PCDHA2: variants seen among roughly 807,000 people sequenced by gnomAD.
PCDHA2 encodes protocadherin alpha 2, also known as protocadherin alpha-2.
PCDHA2 carries 58 observed loss-of-function variants against 66.0 expected under a neutral mutation model. That is an observed-to-expected ratio of 0.88 (90% CI 0.71 to 1.09). The LOEUF is 1.09. PCDHA2 is among the 50% of genes least tolerant of loss of function. PCDHA2 has a pLI of 0.00. For synonymous variants in PCDHA2, 634 were observed against 554.0 expected, an observed-to-expected ratio of 1.14 and a Z score of -2.03; for missense variants, 1,267 against 1,242.3, an observed-to-expected ratio of 1.02 and a Z score of -0.30.
chr5:140,796,905 A>G lies in PCDHA2; in HGVS notation c.1941A>G (p.Leu647=). The G allele has an allele frequency of 1.9e-6, 3 of 1,613,752 alleles. No homozygotes were observed. The highest frequency in any genetic ancestry group is 2.5e-6 in the Non-Finnish European group (3 of 1,179,942). Residue 647 remains leucine, a synonymous_variant, in exon 1 of 4, where the codon CTA becomes CTG. Coordinates refer to ENST00000526136, the MANE Select transcript of PCDHA2 (RefSeq NM_018905.3). The stretch of plus-strand genomic sequence containing the variant: ...AGGCTGACTCCCCTCGACACCGCCT[A>G]CTCGTGCTGGTGAAGGACCACGGCG... ...LDEADSPRHR[L]LVLVKDHGEP...
chr5:140,828,025 G>T, intron 1 of PCDHA2: 1 of 1,517,256 alleles, frequency 6.6e-7, no homozygotes, highest in Non-Finnish European at 8.8e-7. Context: ...AATAAATTCC[G>T]GAACATACAG....
At position 140,857,447 on chromosome 5, in the gene PCDHA2, A is replaced by G; in HGVS notation, c.2388+60095A>G. On this transcript the variant is annotated intron_variant, in intron 1 of 3. Transcript: ENST00000526136. ...GTACACGGTGTTCGTGAAGGAGAACAACCCGCCAGGCTGCCACATCTTCAC... is the reference window on the plus strand; with the variant it reads ...GTACACGGTGTTCGTGAAGGAGAACGACCCGCCAGGCTGCCACATCTTCAC... 2 of 1,598,502 alleles carry G rather than the reference A, an allele frequency of 1.3e-6. 1 individual carries two copies. The highest frequency in any genetic ancestry group is 1.7e-6 in the Non-Finnish European group (2 of 1,167,850).
rs781970996 is a variant in PCDHA2 at position 140,869,968 on chromosome 5, A to AT, written c.2388+72616_2388+72617insT. 5 of 1,613,220 alleles carry AT rather than the reference A, an allele frequency of 3.1e-6. No homozygotes were observed. The South Asian group carries it at 5.5e-5, about 18-fold the overall frequency. On this transcript the variant is annotated intron_variant, in intron 1 of 3. Coordinates refer to ENST00000526136, the MANE Select transcript of PCDHA2 (RefSeq NM_018905.3). ...CTTAATGTCAATTAAGCCCAATGGA[A>AT]GACACTTATTTACACTAGATCAAAA...
intron 1 of PCDHA2, chr5:140,816,337 C>T (rs1459118392): frequency 6.6e-6 from 1 of 152,084 alleles, no homozygotes; most frequent in Non-Finnish European, 1.5e-5. Context: ...TTCTTCAGTT[C>T]CAAAATTTCT....
At chr5:140,968,431 G>A in intron 1 of PCDHA2, 1 of 1,613,980 alleles carries the variant, frequency 6.2e-7, no homozygotes, top group Non-Finnish European at 8.5e-7. Context: ...AGGACAAGGG[G>A]AGCCCACCAC....
At chr5:140,857,858 G>A in intron 1 of PCDHA2, 3 of 1,597,854 alleles carry the variant, frequency 1.9e-6, no homozygotes, top group Non-Finnish European at 2.6e-6. Context: ...TGGATACAAC[G>A]CGTGGCTGTC....
rs2150098018 is a variant in PCDHA2, at chr5:140,817,392, G to A, written c.2388+20040G>A. 3 of 152,162 alleles carry A rather than the reference G, an allele frequency of 2.0e-5. No homozygotes were observed. In the East Asian group the frequency reaches 5.8e-4, roughly 29 times the overall value. 9.4% of individuals were successfully genotyped at this position (152,162 alleles called of 1,614,324 possible). On this transcript the variant is annotated intron_variant, in intron 1 of 3. Coordinates refer to ENST00000526136, the MANE Select transcript of PCDHA2 (RefSeq NM_018905.3). The stretch of plus-strand genomic sequence containing the variant: ...TCGGCACTTATCACCATGGGAATTG[G>A]TCCTTGTATTGTTGTTGAGTTGGTA...
At chr5:140,928,326 C>T (rs1554205788) in intron 1 of PCDHA2, 1 of 1,614,162 alleles carries the variant, frequency 6.2e-7, no homozygotes, top group Non-Finnish European at 8.5e-7. Context: ...GGAAGAATGG[C>T]CTTGTCTCTT....
At chr5:140,811,828 C>T (rs1554125821) in intron 1 of PCDHA2, 1 of 152,138 alleles carries the variant, frequency 6.6e-6, no homozygotes, top group East Asian at 1.9e-4. Context: ...ATATCCTTTG[C>T]CCACTTTTTG....
At chr5:140,982,252 C>A in intron 2 of PCDHA2, 2 of 770,940 alleles carry the variant, frequency 2.6e-6, no homozygotes, top group South Asian at 2.6e-5. Flanking sequence ...AAAGATAGAA[C>A]ATGTGTGTTC....
chr5:140,830,698 C>A, intron 1 of PCDHA2: 1 of 278,556 alleles, frequency 3.6e-6, no homozygotes, highest in Non-Finnish European at 6.4e-6. Flanking sequence ...ATCTGCACCT[C>A]AGAATTTTTG....
intron 1 of PCDHA2, among the ~76,000 whole-genome samples, chr5:140,914,730 C>T (rs2076816445): frequency 6.6e-6 from 1 of 151,438 alleles, no homozygotes; most frequent in Non-Finnish European, 1.5e-5. Context: ...TTTTGTGTAT[C>T]CATTGTATGT....
At position 140,858,233 on chromosome 5, in the gene PCDHA2, G is replaced by T. The variant is rs1014024880; in HGVS notation, c.2388+60881G>T. On this transcript the variant is annotated intron_variant, in intron 1 of 3. Coordinates refer to ENST00000526136, the MANE Select transcript of PCDHA2 (RefSeq NM_018905.3). ...GTGCTCGGCGGCGCCCACCGAGGGCGCATGTGGGCCGGTGAAGCCCACGCT... is the reference window on the plus strand; with the variant it reads ...GTGCTCGGCGGCGCCCACCGAGGGCTCATGTGGGCCGGTGAAGCCCACGCT... The T allele has an allele frequency of 9.4e-6, 15 of 1,596,216 alleles. 1 individual carries two copies. Among genetic ancestry groups the T allele is most frequent in the Non-Finnish European group, 1.1e-5 (13 of 1,166,126 alleles).
intron 1 of PCDHA2, chr5:140,830,405 T>A: frequency 6.2e-7 from 1 of 1,614,172 alleles, no homozygotes; most frequent in Non-Finnish European, 8.5e-7. Flanking sequence ...TCTCATGGCC[T>A]TTAGCCCCAG....
At chr5:140,999,444 C>A (rs782553983) in intron 3 of PCDHA2, among the ~76,000 whole-genome samples, 25 of 152,210 alleles carry the variant, frequency 1.6e-4, no homozygotes, top group Non-Finnish European at 3.1e-4. Flanking sequence ...GCCTCTTATT[C>A]GTTCAACGAA....
At chr5:140,879,201 G>A (rs2057895897) in intron 1 of PCDHA2, among the ~76,000 whole-genome samples, 1 of 152,164 alleles carries the variant, frequency 6.6e-6, no homozygotes, top group Non-Finnish European at 1.5e-5. Context: ...TTAAATTATG[G>A]CAGTAGAAAT....
chr5:140,850,638 C>T (rs2150491842), intron 1 of PCDHA2: 3 of 1,598,668 alleles, frequency 1.9e-6, no homozygotes, highest in Non-Finnish European at 2.6e-6. Context: ...GGTTCTCACG[C>T]TGCTGCTGTA....
chr5:140,801,062 G>A (rs1554121267), intron 1 of PCDHA2: 2 of 1,455,288 alleles, frequency 1.4e-6, no homozygotes, highest in East Asian at 2.4e-5. Flanking sequence ...CGTGCATTAC[G>A]TATTCAGATA....
chr5:140,805,096 T>C (rs375338137), intron 1 of PCDHA2: 2 of 1,592,490 alleles, frequency 1.3e-6, no homozygotes, highest in African/African-American at 2.7e-5. Flanking sequence ...GCTTGCCTCT[T>C]GAAACTATTG....
Sources: allele counts gnomAD v4.1 joint callset (sites outside exome capture counted in the v4.1 genomes callset), GRCh38; gene constraint gnomAD v4.1.1; transcripts MANE v1.5; gene names NCBI Gene and HGNC (gene_info 2026-07-23, HGNC 2026-07-21).